The following MAB21L3 variants were observed in gnomAD, a reference collection of about 807,000 sequenced individuals.
MAB21L3 encodes mab-21 like 3, also known as protein mab-21-like 3.
In MAB21L3, 36 loss-of-function variants were observed where a neutral mutation model predicts 37.7. That is an observed-to-expected ratio of 0.96 (90% CI 0.73 to 1.26). The LOEUF is 1.26. Ranked by LOEUF, MAB21L3 falls within the 50% of genes most tolerant of loss-of-function variation. MAB21L3 has a pLI of 0.00. For missense variants in MAB21L3, 430 were observed against 447.3 expected (o/e 0.96, Z 0.35); for synonymous variants, 186 against 176.8 (o/e 1.05, Z -0.41).
intron 7 of MAB21L3, among the ~76,000 whole-genome samples, chr1:116,129,455 G>A (rs1040690492): frequency 3.3e-5 from 5 of 152,196 alleles, no homozygotes; most frequent in African/African-American, 1.2e-4. Context: ...AGAAAGGATG[G>A]ACTCCCTTTC....
intron 7 of MAB21L3, among the ~76,000 whole-genome samples, chr1:116,132,415 G>A (rs1660095970): frequency 1.3e-5 from 2 of 152,134 alleles, no homozygotes; most frequent in Non-Finnish European, 2.9e-5. Flanking sequence ...GAGAGAACCA[G>A]GTCTGCTGAA....
intron 3 of MAB21L3, among the ~76,000 whole-genome samples, chr1:116,118,246 G>A (rs987064984): frequency 2.6e-5 from 4 of 152,104 alleles, no homozygotes; most frequent in Non-Finnish European, 4.4e-5. Flanking sequence ...GCCAGGTGTG[G>A]TGGCACGTGC....
At chr1:116,117,160 T>TACAC (rs141948357) in intron 3 of MAB21L3, among the ~76,000 whole-genome samples, 50 of 101,472 alleles carry the variant, frequency 4.9e-4, no homozygotes, top group African/African-American at 1.9e-3. Flanking sequence ...AAAATATACA[T>TACAC]ACATATATAT....
Position 116,133,773 on chromosome 1 carries a change from T to C in MAB21L3, c.*408T>C. The stretch of plus-strand genomic sequence containing the variant: ...GCCCAGCCCACTGATCATGGGCACA[T>C]TCTCCTGCCATTTGTAAAATGGGAA... On this transcript the variant is annotated 3_prime_UTR_variant, in exon 8 of 8. Transcript: ENST00000369500. The C allele has an allele frequency of 4.2e-6, 1 of 235,816 alleles. No individual in the cohort carries two copies. Among genetic ancestry groups the C allele is most frequent in the Non-Finnish European group, 8.3e-6 (1 of 120,258 alleles). 14.6% of individuals were successfully genotyped at this position (235,816 alleles called of 1,614,324 possible).
At chr1:116,119,635 G>A (rs1397808011) in intron 3 of MAB21L3, among the ~76,000 whole-genome samples, 1 of 152,110 alleles carries the variant, frequency 6.6e-6, no homozygotes, top group East Asian at 1.9e-4. Context: ...GCCCCTGGCT[G>A]AAGGAGCCTC....
At chr1:116,119,746 G>A (rs1217603577) in intron 3 of MAB21L3, among the ~76,000 whole-genome samples, 5 of 152,072 alleles carry the variant, frequency 3.3e-5, no homozygotes, top group African/African-American at 7.2e-5. Flanking sequence ...AGACCCTTCC[G>A]TATCTTATTT....
chr1:116,115,686 G>A (rs1659569953), intron 3 of MAB21L3, among the ~76,000 whole-genome samples: 1 of 152,210 alleles, frequency 6.6e-6, no homozygotes, highest in Non-Finnish European at 1.5e-5. Flanking sequence ...ATGCAAGTGA[G>A]TCAGAGTGAT....
At position 116,121,077 on chromosome 1, in the gene MAB21L3, G is replaced by A. The variant is rs762037190; in HGVS notation, c.189+5G>A. 1.2e-6 allele frequency: 2 copies of A among 1,611,934 alleles called. No individual in the cohort carries two copies. The highest frequency in any genetic ancestry group is 1.7e-6 in the Non-Finnish European group (2 of 1,178,850). On this transcript the variant is annotated splice_donor_5th_base_variant and intron_variant, in intron 4 of 7. Coordinates refer to ENST00000369500, the MANE Select transcript of MAB21L3 (RefSeq NM_152367.3). ...ACGTACAATGAAAATATTAAGGTAA[G>A]CAAGTCTTGCTGTCTCTAAGTGCCA...
chr1:116,125,374 C>G (rs1342829374), intron 5 of MAB21L3, among the ~76,000 whole-genome samples: 1 of 152,212 alleles, frequency 6.6e-6, no homozygotes, highest in Non-Finnish European at 1.5e-5. Flanking sequence ...AGGATATTCT[C>G]TGCCATAGGT....
chr1:116,118,158 C>T (rs1191056522), intron 3 of MAB21L3, among the ~76,000 whole-genome samples: 1 of 152,086 alleles, frequency 6.6e-6, no homozygotes. Flanking sequence ...CCAAGGTGGG[C>T]ACAGCAAGAG....
intron 7 of MAB21L3, among the ~76,000 whole-genome samples, chr1:116,131,415 G>A (rs1049840722): frequency 6.6e-6 from 1 of 152,232 alleles, no homozygotes; most frequent in Non-Finnish European, 1.5e-5. Flanking sequence ...GATGAGTCTG[G>A]AAAGGAAGGC....
rs778974272 is a variant in MAB21L3, at chr1:116,133,136, T to C, written c.860T>C (p.Val287Ala). ...CAGCACTTCTCCCTTCCACAGACTG[T>C]GCTCTTTTGGACCTGCGAGAAATAT... Reference protein sequence around the residue: ...PVITSHHLQTVLFWTCEKYPH... With the variant: ...PVITSHHLQTALFWTCEKYPH... The change falls in exon 8 of 8, where the codon GTG becomes GCG. Residue 287 changes from valine to alanine, a missense_variant. Physicochemically the swap from Val to Ala is moderately conservative, Grantham distance 64. Transcript: ENST00000369500. The C allele has an allele frequency of 3.1e-6, 5 of 1,613,696 alleles. No individual in the cohort carries two copies. The highest frequency in any genetic ancestry group is 4.2e-6 in the Non-Finnish European group (5 of 1,179,578).
intron 5 of MAB21L3, among the ~76,000 whole-genome samples, chr1:116,126,589 A>G (rs10923974): frequency 0.021 from 3,231 of 152,322 alleles, 104 homozygotes; most frequent in African/African-American, 0.074. Context: ...CCAAAGGCAT[A>G]TGCATAAATA....
chr1:116,134,503 A>C lies in MAB21L3; in HGVS notation c.*1138A>C, dbSNP rs2101620906. 1 of 152,416 alleles carries C rather than the reference A, an allele frequency of 6.6e-6. No homozygotes were observed. Among genetic ancestry groups the C allele is most frequent in the South Asian group, 2.1e-4 (1 of 4,830 alleles). 9.4% of individuals were successfully genotyped at this position (152,416 alleles called of 1,614,324 possible). A position where few individuals can be genotyped will look rare whatever the true frequency, so the allele number is the denominator to read the frequency against. ...AGGTCCCCGAAGGATGAAAATGCAA[A>C]TAGCTGAAGGGGAAGGAAAAGTGAC... is the stretch of plus-strand genomic sequence containing the variant. On this transcript the variant is annotated 3_prime_UTR_variant, in exon 8 of 8. Transcript: ENST00000369500.
intron 7 of MAB21L3, among the ~76,000 whole-genome samples, chr1:116,129,071 A>G (rs563534604): frequency 4.6e-5 from 7 of 152,250 alleles, no homozygotes; most frequent in South Asian, 2.1e-4. Context: ...ACAGACACAG[A>G]TGTGTTTCCT....
chr1:116,118,122 A>G lies in MAB21L3; in HGVS notation c.49-2810A>G, dbSNP rs142498056. Among the ~76,000 whole-genome samples, 1,410 of 152,212 alleles carry G rather than the reference A, an allele frequency of 9.3e-3. 17 individuals carry two copies. The highest frequency in any genetic ancestry group is 0.013 in the Non-Finnish European group (877 of 68,014). On this transcript the variant is annotated intron_variant, in intron 3 of 7. Coordinates refer to ENST00000369500, the MANE Select transcript of MAB21L3 (RefSeq NM_152367.3). Reference sequence around the variant, plus strand: ...CTTGGGGCCAGGCACGGTGGCTCACACCTGTAATCCCAGCACTTTGGGAGG... The same window carrying G: ...CTTGGGGCCAGGCACGGTGGCTCACGCCTGTAATCCCAGCACTTTGGGAGG...
At chr1:116,133,061 C>T in intron 7 of MAB21L3, 71 bp from the exon 8 acceptor site, 1 of 1,283,380 alleles carries the variant, frequency 7.8e-7, no homozygotes, top group South Asian at 1.3e-5. Context: ...CACATAAGCT[C>T]AATAATTGTT....
chr1:116,120,432 AACAC>A (rs1198698955), intron 3 of MAB21L3, among the ~76,000 whole-genome samples: 27 of 109,722 alleles, frequency 2.5e-4, no homozygotes, highest in Middle Eastern at 4.2e-3. Context: ...CACACACACA[AACAC>A]ACACACACAC....
rs1165739551 is a variant in MAB21L3 at position 116,136,414 on chromosome 1, C to A, written c.*3049C>A. 1.1e-4 allele frequency among the ~76,000 whole-genome samples: 17 copies of A among 151,740 alleles called. No individual in the cohort carries two copies. The highest frequency in any genetic ancestry group is 9.2e-4 in the Admixed American group (14 of 15,268). On this transcript the variant is annotated 3_prime_UTR_variant, in exon 8 of 8. Transcript: ENST00000369500. ...ATAAAATACTTAGGAATCCAACTTA[C>A]AAGGGACGTGAAGGACCTCTTCAAG...
Sources: allele counts gnomAD v4.1 joint callset (sites outside exome capture counted in the v4.1 genomes callset), GRCh38; gene constraint gnomAD v4.1.1; transcripts MANE v1.5; gene names NCBI Gene and HGNC (gene_info 2026-07-23, HGNC 2026-07-21).